The following ADAM9 variants were observed in gnomAD, a reference collection of about 807,000 sequenced individuals.
ADAM9 encodes disintegrin and metalloproteinase domain-containing protein 9.
A neutral mutation model predicts 108.1 loss-of-function variants in ADAM9; 54 were observed. The ratio of observed to expected loss-of-function variants is 0.50; its 90% CI spans 0.40 to 0.63. The LOEUF is 0.63. Among genes scored for constraint, ADAM9 ranks in the 20% least tolerant of loss-of-function variants. The probability of loss-of-function intolerance (pLI) is 0.00; values close to 1 mark genes in which losing one functional copy is unlikely to be tolerated. For synonymous variants in ADAM9, 316 were observed against 336.0 expected (o/e 0.94, Z 0.65); for missense variants, 830 against 997.7 (o/e 0.83, Z 2.26).
intron 14 of ADAM9, among the ~76,000 whole-genome samples, chr8:39,065,720 C>G (rs1838446628): frequency 6.7e-6 from 1 of 149,258 alleles, no homozygotes; most frequent in East Asian, 2.0e-4. Flanking sequence ...CGAAACATCT[C>G]TCATGTTTGT....
intron 15 of ADAM9, 32 bp from the exon 16 acceptor site, chr8:39,077,196 T>G: frequency 6.2e-7 from 1 of 1,611,906 alleles, no homozygotes; most frequent in Non-Finnish European, 8.5e-7. Flanking sequence ...ACTGGATGCA[T>G]TTTATGTTGC....
chr8:39,061,507 G>A (rs141173269), intron 14 of ADAM9, among the ~76,000 whole-genome samples: 1 of 152,258 alleles, frequency 6.6e-6, no homozygotes, highest in East Asian at 1.9e-4. Flanking sequence ...TTCCTGAAAG[G>A]TCGAATTTTT....
Position 38,997,836 on chromosome 8 carries a change from A to C in ADAM9, c.97+676A>C, listed in dbSNP as rs577292005. ...TTTTTATTGGGTTCGTACTGTGTTA[A>C]ATCCGGACAGATAATCCCTGCTCTT... On this transcript the variant is annotated intron_variant, in intron 1 of 21. Coordinates refer to ENST00000487273, the MANE Select transcript of ADAM9 (RefSeq NM_003816.3). Among the ~76,000 whole-genome samples, 61 of 152,374 alleles carry C rather than the reference A, an allele frequency of 4.0e-4. 1 individual carries two copies. Among genetic ancestry groups the C allele is most frequent in the South Asian group, 2.5e-3 (12 of 4,830 alleles).
chr8:39,095,186 A>G lies in ADAM9; in HGVS notation c.2298+3840A>G, dbSNP rs1029183680. ...TTCCAGGACCCCTACATATAGCCCA[A>G]TCTGCCTATACTCAATTAATTCTGT... On this transcript the variant is annotated intron_variant, in intron 20 of 21. Transcript: ENST00000487273. 3.3e-5 allele frequency among the ~76,000 whole-genome samples: 5 copies of G among 152,100 alleles called. No individual in the cohort carries two copies. In the East Asian group the frequency reaches 9.6e-4, roughly 29 times the overall value.
At chr8:39,026,381 AT>A (rs1270154849) in intron 10 of ADAM9, among the ~76,000 whole-genome samples, 3 of 152,188 alleles carry the variant, frequency 2.0e-5, no homozygotes, top group Non-Finnish European at 4.4e-5. Flanking sequence ...CATGTACTCC[AT>A]TTTAGAGAAT....
rs1839794022 is a variant in ADAM9 at position 39,104,276 on chromosome 8, T to C, written c.*576T>C. The C allele has an allele frequency of 4.4e-6, 2 of 452,666 alleles. No homozygotes were observed. Among genetic ancestry groups the C allele is most frequent in the Non-Finnish European group, 4.4e-6 (1 of 225,864 alleles). 28.0% of individuals were successfully genotyped at this position (452,666 alleles called of 1,614,324 possible). A position where few individuals can be genotyped will look rare whatever the true frequency, so the allele number is the denominator to read the frequency against. ...GAATGCACAAGAACCACAATTAAGA[T>C]GTCATATTATTTTGAAAGTACAAAA... is the stretch of plus-strand genomic sequence containing the variant. On this transcript the variant is annotated 3_prime_UTR_variant, in exon 22 of 22. Coordinates refer to ENST00000487273, the MANE Select transcript of ADAM9 (RefSeq NM_003816.3).
intron 15 of ADAM9, among the ~76,000 whole-genome samples, chr8:39,076,884 T>C (rs939694827): frequency 3.9e-5 from 6 of 152,248 alleles, no homozygotes; most frequent in African/African-American, 1.4e-4. Context: ...TATTGCTATA[T>C]TATTTTCTGT....
At position 38,998,688 on chromosome 8, in the gene ADAM9, G is replaced by A. The variant is rs1034119814; in HGVS notation, c.97+1528G>A. Reference sequence around the variant, plus strand: ...TTTTAGAGAAAATAATATTTGAACTGGGCTACATCGGTGATTTTTCAAGTA... The same window carrying A: ...TTTTAGAGAAAATAATATTTGAACTAGGCTACATCGGTGATTTTTCAAGTA... On this transcript the variant is annotated intron_variant, in intron 1 of 21. Transcript: ENST00000487273. Among the ~76,000 whole-genome samples the A allele has an allele frequency of 2.6e-5, 4 of 152,178 alleles. No individual in the cohort carries two copies. In the East Asian group the frequency reaches 7.7e-4, roughly 29 times the overall value.
At chr8:39,033,053 G>A (rs1004911713) in intron 11 of ADAM9, among the ~76,000 whole-genome samples, 1 of 152,194 alleles carries the variant, frequency 6.6e-6, no homozygotes, top group Non-Finnish European at 1.5e-5. Flanking sequence ...GCCTGTATGT[G>A]AGCATGAAAT....
intron 15 of ADAM9, among the ~76,000 whole-genome samples, chr8:39,073,104 TG>T (rs1282412954): frequency 6.6e-6 from 1 of 152,216 alleles, no homozygotes; most frequent in African/African-American, 2.4e-5. Flanking sequence ...ATGGTCTGTA[TG>T]GGTAAATGTT....
At chr8:39,023,364 C>G (rs1564257135) in intron 9 of ADAM9, 39 bp downstream of exon 9, 1 of 1,548,506 alleles carries the variant, frequency 6.5e-7, no homozygotes, top group Admixed American at 1.8e-5. Context: ...ATGAAATAAT[C>G]AAAATAATAA....
chr8:39,080,412 T>C (rs550924752), intron 16 of ADAM9, among the ~76,000 whole-genome samples: 31 of 152,320 alleles, frequency 2.0e-4, no homozygotes, highest in Admixed American at 4.6e-4. Context: ...GTTTTCTAGC[T>C]ATGACAATAA....
At chr8:39,074,155 C>G (rs1428734466) in intron 15 of ADAM9, among the ~76,000 whole-genome samples, 1 of 152,080 alleles carries the variant, frequency 6.6e-6, no homozygotes, top group African/African-American at 2.4e-5. Flanking sequence ...GTCTTTTCTA[C>G]CCATTGAAAC....
chr8:39,026,485 C>A (rs996435423), intron 10 of ADAM9, among the ~76,000 whole-genome samples, 192 bp from the exon 11 acceptor site: 2 of 152,122 alleles, frequency 1.3e-5, no homozygotes, highest in African/African-American at 4.8e-5. Context: ...GGATCCATGT[C>A]CATCACGTGT....
chr8:39,017,172 G>A, intron 5 of ADAM9, 47 bp from the exon 6 acceptor site: 1 of 1,599,344 alleles, frequency 6.3e-7, no homozygotes, highest in Non-Finnish European at 8.6e-7. Flanking sequence ...GATTCCTTGT[G>A]TATTTTCTTT....
intron 18 of ADAM9, among the ~76,000 whole-genome samples, chr8:39,085,046 C>T (rs893493851): frequency 4.6e-5 from 7 of 152,064 alleles, no homozygotes; most frequent in African/African-American, 1.7e-4. Flanking sequence ...AATCTTTTCC[C>T]ATCCTTTTAC....
intron 9 of ADAM9, among the ~76,000 whole-genome samples, chr8:39,025,536 C>G (rs979486366): frequency 6.6e-6 from 1 of 151,962 alleles, no homozygotes; most frequent in Non-Finnish European, 1.5e-5. Context: ...TATAAATAAA[C>G]CTAATGTATT....
At chr8:39,043,461 A>T (rs578247435) in intron 12 of ADAM9, among the ~76,000 whole-genome samples, 6 of 152,128 alleles carry the variant, frequency 3.9e-5, no homozygotes, top group Non-Finnish European at 8.8e-5. Flanking sequence ...TTTCCGTGAT[A>T]GCAATCCTAA....
At chr8:39,063,938 T>G (rs951909920) in intron 14 of ADAM9, among the ~76,000 whole-genome samples, 2 of 152,210 alleles carry the variant, frequency 1.3e-5, no homozygotes, top group Non-Finnish European at 2.9e-5. Context: ...ATCTCAGCTC[T>G]GCAACTACCG....
Sources: gnomAD v4.1 joint callset for allele counts (sites outside exome capture counted in the v4.1 genomes callset) on GRCh38, gnomAD v4.1.1 for gene constraint, MANE v1.5 for transcripts, NCBI Gene and HGNC (gene_info 2026-07-23, HGNC 2026-07-21) for gene names.